UBE3A: variants seen among roughly 807,000 people sequenced by gnomAD.
UBE3A encodes the protein ubiquitin-protein ligase E3A.
Under a neutral mutation model 83.4 loss-of-function variants are expected in UBE3A, and 6 were observed. The observed-to-expected ratio is 0.07, with a 90% CI of 0.04 to 0.14. The LOEUF is 0.14. UBE3A is among the 10% of genes least tolerant of loss of function. The pLI is 1.00. For synonymous variants in UBE3A, 337 were observed against 355.4 expected (o/e 0.95, Z 0.58); for missense variants, 456 against 1,036.1 (o/e 0.44, Z 7.69).
intron 4 of UBE3A, among the ~76,000 whole-genome samples, chr15:25,403,397 ATAC>A (rs2087659249): frequency 6.6e-6 from 1 of 152,210 alleles, no homozygotes; most frequent in Non-Finnish European, 1.5e-5. Flanking sequence ...CTACAGTAAC[ATAC>A]TACCTTATAT....
intron 1 of UBE3A, chr15:25,418,303 A>T (rs527981144): frequency 6.6e-6 from 1 of 152,310 alleles, no homozygotes; most frequent in Admixed American, 6.5e-5. Flanking sequence ...CCAAGAAAAA[A>T]GAAACATATA....
At chr15:25,417,038 G>C (rs1887222540) in intron 1 of UBE3A, among the ~76,000 whole-genome samples, 1 of 152,102 alleles carries the variant, frequency 6.6e-6, no homozygotes, top group South Asian at 2.1e-4. Context: ...TCAGAAATCT[G>C]CCATTTGAGA....
chr15:25,404,286 C>A (rs2087903382), intron 4 of UBE3A, among the ~76,000 whole-genome samples: 2 of 152,106 alleles, frequency 1.3e-5, no homozygotes, highest in Non-Finnish European at 2.9e-5. Flanking sequence ...ATTAATATCA[C>A]ACATCCATCT....
intron 4 of UBE3A, among the ~76,000 whole-genome samples, chr15:25,402,853 G>A (rs540540316): frequency 1.3e-5 from 2 of 152,158 alleles, no homozygotes; most frequent in Non-Finnish European, 2.9e-5. Flanking sequence ...ATTTTTGTGT[G>A]TAGACAGTTG....
At chr15:25,409,898 A>G (rs1053503265) in intron 2 of UBE3A, among the ~76,000 whole-genome samples, 1 of 152,000 alleles carries the variant, frequency 6.6e-6, no homozygotes, top group African/African-American at 2.4e-5. Flanking sequence ...AAAGTCATTT[A>G]ACATCAGTCA....
In UBE3A at chr15:25,371,547, T is replaced by C. The variant is rs542217785; in HGVS notation, c.627A>G (p.Ser209=). 2 of 1,614,166 alleles carry C rather than the reference T, an allele frequency of 1.2e-6. No homozygotes were observed. Among genetic ancestry groups the C allele is most frequent in the South Asian group, 2.2e-5 (2 of 91,088 alleles). ...CTCCCTGTGAGCTATCACCTATCCT[T>C]GAGGAAGATGCTTCTGAGTCTTCTT... is the stretch of plus-strand genomic sequence containing the variant. The part of the protein sequence containing the change: ...AMEEDSEASS[S]RIGDSSQGDN... The change falls in exon 6 of 13, where the codon TCA becomes TCG. Residue 209 remains serine, a synonymous_variant. Transcript: ENST00000648336. The surrounding 1 kb of genome is among the most constrained non-coding windows in gnomAD (Gnocchi z 5.3).
At chr15:25,410,117 C>T (rs1405778614) in intron 2 of UBE3A, among the ~76,000 whole-genome samples, 2 of 150,904 alleles carry the variant, frequency 1.3e-5, no homozygotes, top group East Asian at 1.9e-4. Flanking sequence ...ACATTGTGCA[C>T]ATGTACCCTA....
chr15:25,403,628 G>A (rs2087716851), intron 4 of UBE3A, among the ~76,000 whole-genome samples: 1 of 152,010 alleles, frequency 6.6e-6, no homozygotes, highest in South Asian at 2.1e-4. Flanking sequence ...TCAAAGCAGG[G>A]TCTCAAAAAG....
At chr15:25,375,253 T>C (rs1045397896) in intron 5 of UBE3A, 25 of 586,228 alleles carry the variant, frequency 4.3e-5, no homozygotes, top group Non-Finnish European at 1.8e-5. Context: ...TATTAACAAA[T>C]GAACTTTTGG....
chr15:25,337,813 G>T lies in UBE3A; in HGVS notation c.*1324C>A, dbSNP rs560982356. ...CCTTTTATTTTATAATGCAATAAAAGAAATTAACAACATCACATACACAGA... is the reference window on the plus strand; with the variant it reads ...CCTTTTATTTTATAATGCAATAAAATAAATTAACAACATCACATACACAGA... On this transcript the variant is annotated 3_prime_UTR_variant, in exon 13 of 13. Coordinates refer to ENST00000648336, the MANE Select transcript of UBE3A (RefSeq NM_130839.5). 1 of 152,098 alleles carries T rather than the reference G, an allele frequency of 6.6e-6. No homozygotes were observed. The highest frequency in any genetic ancestry group is 1.5e-5 in the Non-Finnish European group (1 of 67,986). 9.4% of individuals were successfully genotyped at this position (152,098 alleles called of 1,614,324 possible). A position where few individuals can be genotyped will look rare whatever the true frequency, so the allele number is the denominator to read the frequency against.
chr15:25,403,885 G>T (rs1401710027), intron 4 of UBE3A, among the ~76,000 whole-genome samples: 1 of 152,132 alleles, frequency 6.6e-6, no homozygotes, highest in Non-Finnish European at 1.5e-5. Context: ...CTTATAGGGG[G>T]TACTTAGAGC....
In UBE3A at chr15:25,334,148, TA is replaced by T. The variant is rs563735553; in HGVS notation, c.*4988del. On this transcript the variant is annotated 3_prime_UTR_variant, in exon 13 of 13. Transcript: ENST00000648336. ...GGAATCTAGACTGGAAAGGAAGAAG[TA>T]AAAGTATTTCTGTTCACAGATGCAT... 6.6e-5 allele frequency: 10 copies of T among 152,042 alleles called. No individual in the cohort carries two copies. Among genetic ancestry groups the T allele is most frequent in the Non-Finnish European group, 1.0e-4 (7 of 67,992 alleles). The allele number at this position is 152,042 out of a possible 1,614,324, so 9.4% of individuals were successfully genotyped here. A position where few individuals can be genotyped will look rare whatever the true frequency, so the allele number is the denominator to read the frequency against.
In UBE3A at chr15:25,371,532, G is replaced by A. The variant is rs1163459550; in HGVS notation, c.642C>T (p.Ser214=). The A allele has an allele frequency of 1.9e-6, 3 of 1,614,164 alleles. No individual in the cohort carries two copies. The highest frequency in any genetic ancestry group is 2.5e-6 in the Non-Finnish European group (3 of 1,180,020). Residue 214 remains serine (S), a synonymous_variant, in exon 6 of 13, where the codon AGC becomes AGT. Coordinates refer to ENST00000648336, the MANE Select transcript of UBE3A (RefSeq NM_130839.5). This position sits in a 1 kb window ranked among gnomAD's most constrained non-coding sequence, Gnocchi z 5.3. The stretch of plus-strand genomic sequence containing the variant: ...TTTGCAAATTGTTGTCTCCCTGTGA[G>A]CTATCACCTATCCTTGAGGAAGATG... ...SEASSSRIGD[S]SQGDNNLQKL... is the part of the protein sequence containing the mutation.
In UBE3A at chr15:25,370,944, C is replaced by G. The variant is rs1480295793; in HGVS notation, c.1230G>C (p.Leu410Phe). ...CTTTCTTGTTTCTTCTTTCTTCTCC[C>G]AAAAGTTCCTGAAGTGTCAGCTCGC... The part of the protein sequence containing the change: ...ESSELTLQEL[L>F]GEERRNKKGP... The change falls in exon 6 of 13, where the codon TTG becomes TTC. Residue 410 changes from leucine (L) to phenylalanine (F), a missense_variant. Transcript: ENST00000648336. This position sits in a 1 kb window ranked among gnomAD's most constrained non-coding sequence, Gnocchi z 4.2. 3 of 1,614,036 alleles carry G rather than the reference C, an allele frequency of 1.9e-6. No homozygotes were observed. The highest frequency in any genetic ancestry group is 2.5e-6 in the Non-Finnish European group (3 of 1,180,008).
intron 6 of UBE3A, among the ~76,000 whole-genome samples, chr15:25,365,602 G>T (rs1020259094): frequency 6.6e-6 from 1 of 151,466 alleles, no homozygotes; most frequent in African/African-American, 2.4e-5. Context: ...AAAAAAATTA[G>T]CTGGGCATGG....
intron 5 of UBE3A, 94 bp downstream of exon 5, chr15:25,375,371 T>C: frequency 2.1e-6 from 3 of 1,438,680 alleles, no homozygotes; most frequent in Non-Finnish European, 2.8e-6. Flanking sequence ...AATGTCTTTA[T>C]GTCACAGAAG....
At chr15:25,356,950 A>T (rs1333873634) in intron 7 of UBE3A, 54 bp from the exon 8 acceptor site, 5 of 1,403,700 alleles carry the variant, frequency 3.6e-6, no homozygotes, top group Non-Finnish European at 5.0e-6. Context: ...TTAAGGACTG[A>T]TGAATAATAC....
chr15:25,417,726 T>A (rs1204441754), intron 1 of UBE3A, among the ~76,000 whole-genome samples: 1 of 151,550 alleles, frequency 6.6e-6, no homozygotes, highest in African/African-American at 2.4e-5. Context: ...ATAAAAAGAC[T>A]GAAAAATAAT....
intron 4 of UBE3A, among the ~76,000 whole-genome samples, chr15:25,377,483 C>T (rs2081403915): frequency 6.6e-6 from 1 of 152,032 alleles, no homozygotes; most frequent in Admixed American, 6.6e-5. Context: ...TAGCACTATG[C>T]AAAATATGAA....
Sources: gnomAD v4.1 joint callset for allele counts (sites outside exome capture counted in the v4.1 genomes callset) on GRCh38, gnomAD v4.1.1 for gene constraint, Gnocchi (gnomAD v3.1) non-coding constraint, MANE v1.5 for transcripts, NCBI Gene and HGNC (gene_info 2026-07-23, HGNC 2026-07-21) for gene names.